OPHN1: variants seen among roughly 807,000 people sequenced by gnomAD.
The protein encoded by OPHN1 is oligophrenin-1.
In OPHN1, 11 loss-of-function variants were observed where a neutral mutation model predicts 60.7. The observed-to-expected ratio is 0.18, with a 90% CI of 0.11 to 0.30. The LOEUF is 0.30. OPHN1 is among the 10% of genes least tolerant of loss of function. The probability of loss-of-function intolerance (pLI) is 1.00; values close to 1 mark genes in which losing one functional copy is unlikely to be tolerated. For synonymous variants in OPHN1, 226 were observed against 222.6 expected (o/e 1.02, Z -0.14); for missense variants, 449 against 611.0 (o/e 0.73, Z 2.80).
chrX:68,283,010 T>C, intron 4 of OPHN1, 46 bp downstream of exon 4: 3 of 1,027,429 alleles, frequency 2.9e-6, no homozygotes, highest in Non-Finnish European at 4.1e-6. Flanking sequence ...AAAAATCCCC[T>C]ATATCACCCA....
chrX:68,217,056 G>A (rs1453567559), intron 6 of OPHN1, among the ~76,000 whole-genome samples: 1 of 111,491 alleles, frequency 9.0e-6, no homozygotes, highest in Non-Finnish European at 1.9e-5. Flanking sequence ...ATTGGGCGGA[G>A]GTCAGTGGGT....
chrX:68,160,365 A>C (rs747536434), intron 15 of OPHN1, among the ~76,000 whole-genome samples: 15 of 111,438 alleles, frequency 1.3e-4, no homozygotes, highest in Non-Finnish European at 2.3e-4. Flanking sequence ...TAAATGATGA[A>C]TAGAACAACT....
At chrX:68,333,677 A>G (rs767119760) in intron 2 of OPHN1, among the ~76,000 whole-genome samples, 3 of 110,198 alleles carry the variant, frequency 2.7e-5, no homozygotes, top group South Asian at 7.8e-4. Context: ...GCGTGCACAC[A>G]CACACACACA....
At chrX:68,058,171 C>G (rs1333392464) in intron 21 of OPHN1, among the ~76,000 whole-genome samples, 1 of 110,216 alleles carries the variant, frequency 9.1e-6, no homozygotes, top group East Asian at 2.9e-4. Context: ...ATCCCTCTGT[C>G]TCTCTCTTTT....
intron 15 of OPHN1, among the ~76,000 whole-genome samples, chrX:68,184,516 C>T (rs1410801347): frequency 1.9e-5 from 2 of 103,602 alleles, no homozygotes; most frequent in South Asian, 9.3e-4. Flanking sequence ...AGCGAGACTC[C>T]GTCTCAAAAG....
intron 2 of OPHN1, among the ~76,000 whole-genome samples, chrX:68,390,029 AAGG>A (rs746707914): frequency 9.0e-6 from 1 of 111,174 alleles, no homozygotes; most frequent in South Asian, 3.8e-4. Flanking sequence ...AGGCAGCAGC[AAGG>A]AGAAGTGTAG....
At chrX:68,293,371 T>C (rs1434242299) in intron 3 of OPHN1, among the ~76,000 whole-genome samples, 1 of 112,246 alleles carries the variant, frequency 8.9e-6, no homozygotes, top group Non-Finnish European at 1.9e-5. Context: ...ATCAGGGGAC[T>C]GACAATGTTA....
At chrX:68,293,945 A>G (rs1023417317) in intron 3 of OPHN1, among the ~76,000 whole-genome samples, 1 of 110,708 alleles carries the variant, frequency 9.0e-6, no homozygotes, top group African/African-American at 3.3e-5. Flanking sequence ...CCCGTCCCCC[A>G]ATACATATAC....
chrX:68,065,649 T>C (rs2076910616), intron 20 of OPHN1, among the ~76,000 whole-genome samples: 1 of 111,972 alleles, frequency 8.9e-6, no homozygotes, highest in Admixed American at 9.4e-5. Context: ...CTATTCTCTC[T>C]GTACCTCAAA....
chrX:68,050,958 C>G lies in OPHN1; in HGVS notation c.2375+1582G>C, dbSNP rs182385006. Among the ~76,000 whole-genome samples the G allele has an allele frequency of 9.0e-5, 10 of 111,717 alleles. No individual in the cohort carries two copies. In the East Asian group the frequency reaches 2.2e-3, roughly 25 times the overall value. ...TGCTATCAGTAAGAGAAATCTGGGG[C>G]CTTGATCTGACTTTCATCTGCTATG... On this transcript the variant is annotated intron_variant, in intron 23 of 24. Transcript: ENST00000355520.
chrX:68,234,433 T>A, intron 6 of OPHN1, 54 bp downstream of exon 6: 1 of 960,101 alleles, frequency 1.0e-6, no homozygotes. Flanking sequence ...AAATTCACAC[T>A]GTTTCTAAGG....
At chrX:68,075,798 A>C (rs1216774019) in intron 19 of OPHN1, among the ~76,000 whole-genome samples, 4 of 109,107 alleles carry the variant, frequency 3.7e-5, no homozygotes, top group African/African-American at 9.9e-5. Flanking sequence ...AAAAAAAAAA[A>C]AAACTTCAAT....
At position 68,348,674 on chromosome X, in the gene OPHN1, T is replaced by C. The variant is rs1281700075; in HGVS notation, c.155-49578A>G. Reference sequence around the variant, plus strand: ...AACGAATGAACCTCATGCAAAATGTTTACTCAGCACCTATTTGGTGACAAG... The same window carrying C: ...AACGAATGAACCTCATGCAAAATGTCTACTCAGCACCTATTTGGTGACAAG... On this transcript the variant is annotated intron_variant, in intron 2 of 24. Transcript: ENST00000355520. Among the ~76,000 whole-genome samples, 4 of 111,751 alleles carry C rather than the reference T, an allele frequency of 3.6e-5. No individual in the cohort carries two copies. In the Admixed American group the frequency reaches 3.9e-4, roughly 11 times the overall value.
chrX:68,214,499 C>A (rs749416089), intron 6 of OPHN1, among the ~76,000 whole-genome samples: 3 of 112,120 alleles, frequency 2.7e-5, no homozygotes, highest in East Asian at 5.6e-4. Flanking sequence ...ATGACAGCTA[C>A]AGCAAACTAA....
At chrX:68,243,642 C>T (rs1014951663) in intron 5 of OPHN1, among the ~76,000 whole-genome samples, 7 of 111,775 alleles carry the variant, frequency 6.3e-5, no homozygotes, top group African/African-American at 9.8e-5. Context: ...CCCGTCTTGG[C>T]CTCCCAAAGT....
At chrX:68,047,472 C>T (rs750616668) in intron 24 of OPHN1, among the ~76,000 whole-genome samples, 1 of 111,792 alleles carries the variant, frequency 8.9e-6, no homozygotes, top group East Asian at 2.8e-4. Context: ...TGCCCACTGC[C>T]TTTATGGTCA....
At chrX:68,354,843 A>C (rs1353272500) in intron 2 of OPHN1, among the ~76,000 whole-genome samples, 1 of 111,287 alleles carries the variant, frequency 9.0e-6, no homozygotes, top group East Asian at 2.8e-4. Flanking sequence ...ACCTCCCACT[A>C]CCTCTGTGAT....
intron 10 of OPHN1, among the ~76,000 whole-genome samples, chrX:68,205,979 A>AGTGTGTGTGTGTGTGT (rs1228949782): frequency 7.7e-4 from 70 of 91,187 alleles, no homozygotes; most frequent in African/African-American, 1.9e-3. Flanking sequence ...AGTGTGTGTG[A>AGTGTGTGTGTGTGTGT]GTGTGTGTGT....
intron 3 of OPHN1, among the ~76,000 whole-genome samples, chrX:68,287,124 A>G (rs2147611101): frequency 1.1e-5 from 1 of 92,897 alleles, no homozygotes; most frequent in African/African-American, 4.4e-5. Flanking sequence ...AAAGAAAGAG[A>G]GAGAGAAAGG....
Sources: gnomAD v4.1 joint callset for allele counts (sites outside exome capture counted in the v4.1 genomes callset) on GRCh38, gnomAD v4.1.1 for gene constraint, MANE v1.5 for transcripts, NCBI Gene and HGNC (gene_info 2026-07-23, HGNC 2026-07-21) for gene names.